The following SCAMP4 variants were observed in gnomAD, a reference collection of about 807,000 sequenced individuals.
The protein encoded by SCAMP4 is secretory carrier-associated membrane protein 4.
In SCAMP4, 19 loss-of-function variants were observed where a neutral mutation model predicts 32.1. That is an observed-to-expected ratio of 0.59 (90% CI 0.41 to 0.87). The LOEUF is 0.87. SCAMP4 is among the 40% of genes least tolerant of loss of function. The pLI is 0.00. For synonymous variants in SCAMP4, 152 were observed against 132.7 expected (o/e 1.15, Z -1.00); for missense variants, 302 against 309.0 (o/e 0.98, Z 0.17).
At chr19:1,912,851 C>T (rs751793893) in intron 1 of SCAMP4, 1 of 1,596,976 alleles carries the variant, frequency 6.3e-7, no homozygotes, top group Non-Finnish European at 8.5e-7. Context: ...GCTCCTTCGC[C>T]CCGGCCGCTG....
rs778111490 is a variant in SCAMP4 at position 1,908,883 on chromosome 19, C to G, written c.-42+3444C>G. On this transcript the variant is annotated intron_variant, in intron 1 of 6. Transcript: ENST00000316097. This position sits in a 1 kb window ranked among gnomAD's most constrained non-coding sequence, Gnocchi z 4.2. ...CTTTGGGAGGCTGAGGCAGGTGGATCACCTGAGGTCAGGAGTTCCAAGACC... is the reference window on the plus strand; with the variant it reads ...CTTTGGGAGGCTGAGGCAGGTGGATGACCTGAGGTCAGGAGTTCCAAGACC... Among the ~76,000 whole-genome samples, 33 of 151,364 alleles carry G rather than the reference C, an allele frequency of 2.2e-4. No homozygotes were observed. The highest frequency in any genetic ancestry group is 4.3e-4 in the Non-Finnish European group (29 of 67,880).
chr19:1,912,571 C>A lies in SCAMP4; in HGVS notation c.-41-2408C>A. 5 of 1,497,784 alleles carry A rather than the reference C, an allele frequency of 3.3e-6. No individual in the cohort carries two copies. The South Asian group carries it at 6.2e-5, about 19-fold the overall frequency. 92.8% of individuals were successfully genotyped at this position (1,497,784 alleles called of 1,614,324 possible). On this transcript the variant is annotated intron_variant, in intron 1 of 6. Transcript: ENST00000316097. The stretch of plus-strand genomic sequence containing the variant: ...CACGAGGACAAGCAGGTGACCAGCG[C>A]CCTGGCTGGGCGGCTCTTCTCCACG...
At chr19:1,912,195 G>A (rs1327626996) in intron 1 of SCAMP4, 2 of 1,586,444 alleles carry the variant, frequency 1.3e-6, no homozygotes, top group African/African-American at 1.3e-5. Context: ...TGTCCTGTCC[G>A]AGAAGCAGTC....
intron 5 of SCAMP4, chr19:1,922,466 C>G (rs1205653946): frequency 1.1e-6 from 1 of 874,720 alleles, no homozygotes; most frequent in East Asian, 1.2e-4. Context: ...AGTTCCTGGC[C>G]TCAAGTGATC....
At chr19:1,911,786 T>TA (rs1239753936) in intron 1 of SCAMP4, 1 of 382,070 alleles carries the variant, frequency 2.6e-6, no homozygotes, top group Non-Finnish European at 4.6e-6. Flanking sequence ...GTCTCAGAAG[T>TA]AAAAAAATAA....
chr19:1,915,035 TG>T lies in SCAMP4; in HGVS notation c.7+10del, dbSNP rs1313846491. ...TGAAACAGAGATGTCAGGTGAGTCCTGCCTGCCTGGGAGCCTCCAGCAGCGT... is the reference window on the plus strand; with the variant it reads ...TGAAACAGAGATGTCAGGTGAGTCCTCCTGCCTGGGAGCCTCCAGCAGCGT... On this transcript the variant is annotated intron_variant, in intron 2 of 6. Transcript: ENST00000316097. 1 of 1,613,762 alleles carries T rather than the reference TG, an allele frequency of 6.2e-7. No individual in the cohort carries two copies. The highest frequency in any genetic ancestry group is 8.5e-7 in the Non-Finnish European group (1 of 1,179,784).
chr19:1,905,878 C>T (rs149287217), intron 1 of SCAMP4: 34 of 152,372 alleles, frequency 2.2e-4, no homozygotes, highest in African/African-American at 7.9e-4. Context: ...GTGGAGATTC[C>T]CCTAGGCCTT....
intron 1 of SCAMP4, among the ~76,000 whole-genome samples, chr19:1,909,157 T>G (rs2145427044): frequency 6.6e-6 from 1 of 150,422 alleles, no homozygotes; most frequent in South Asian, 2.1e-4. Flanking sequence ...TAATCCAACC[T>G]CAGGCCTGCG....
chr19:1,918,404 C>T, intron 4 of SCAMP4, 121 bp downstream of exon 4: 1 of 1,150,342 alleles, frequency 8.7e-7, no homozygotes, highest in South Asian at 1.8e-5. Flanking sequence ...AGACAGTTCA[C>T]ATCTGGGGGT....
rs2013259843 is a variant in SCAMP4 at position 1,908,484 on chromosome 19, C to G, written c.-42+3045C>G. 2.1e-6 allele frequency: 1 copy of G among 470,928 alleles called. No individual in the cohort carries two copies. Among genetic ancestry groups the G allele is most frequent in the Non-Finnish European group, 4.4e-6 (1 of 227,028 alleles). 29.2% of individuals were successfully genotyped at this position (470,928 alleles called of 1,614,324 possible). A position where few individuals can be genotyped will look rare whatever the true frequency, so the allele number is the denominator to read the frequency against. ...AAATGATCCAGAGACACATCCCTGTCTGCGGGAGGAGCCGTCCATACCAGC... is the reference window on the plus strand; with the variant it reads ...AAATGATCCAGAGACACATCCCTGTGTGCGGGAGGAGCCGTCCATACCAGC... On this transcript the variant is annotated intron_variant, in intron 1 of 6. Transcript: ENST00000316097. The surrounding 1 kb of genome is among the most constrained non-coding windows in gnomAD (Gnocchi z 4.2).
intron 3 of SCAMP4, 107 bp from the exon 4 acceptor site, chr19:1,918,020 T>C: frequency 7.0e-7 from 1 of 1,434,176 alleles, no homozygotes; most frequent in Non-Finnish European, 9.5e-7. Flanking sequence ...CGACATGGGG[T>C]CACTGGGCTG....
chr19:1,918,427 C>A, intron 4 of SCAMP4, 144 bp downstream of exon 4: 2 of 1,018,634 alleles, frequency 2.0e-6, no homozygotes, highest in Non-Finnish European at 2.7e-6. Flanking sequence ...CAAACTGTGG[C>A]CCACAAGCCA....
At chr19:1,910,108 C>T (rs1599235292) in intron 1 of SCAMP4, among the ~76,000 whole-genome samples, 1 of 152,196 alleles carries the variant, frequency 6.6e-6, no homozygotes, top group Non-Finnish European at 1.5e-5. Flanking sequence ...CTTAATACAA[C>T]ACCCGCCAGC....
Position 1,923,673 on chromosome 19 carries a change from T to C in SCAMP4, c.514-435T>C, listed in dbSNP as rs530981789. On this transcript the variant is annotated intron_variant, in intron 6 of 6. Coordinates refer to ENST00000316097, the MANE Select transcript of SCAMP4 (RefSeq NM_079834.4). ...TCGCTCTGTCACCCAGGCTGGAGTGTAGTGGTGCGATCTCTGCTCACTGCA... is the reference window on the plus strand; with the variant it reads ...TCGCTCTGTCACCCAGGCTGGAGTGCAGTGGTGCGATCTCTGCTCACTGCA... Among the ~76,000 whole-genome samples, 344 of 136,390 alleles carry C rather than the reference T, an allele frequency of 2.5e-3. 1 individual carries two copies. Among genetic ancestry groups the C allele is most frequent in the Middle Eastern group, 0.017 (4 of 242 alleles). 89.5% of individuals were successfully genotyped at this position (136,390 alleles called of 152,430 possible).
intron 1 of SCAMP4, chr19:1,912,444 C>A (rs1233353136): frequency 6.6e-7 from 1 of 1,507,460 alleles, no homozygotes; most frequent in Admixed American, 2.1e-5. Flanking sequence ...GGCTGTGGAC[C>A]CCCGCGGCCT....
At chr19:1,907,540 T>C (rs2013195057) in intron 1 of SCAMP4, among the ~76,000 whole-genome samples, 1 of 152,042 alleles carries the variant, frequency 6.6e-6, no homozygotes, top group Non-Finnish European at 1.5e-5. Context: ...GGACTGGGTG[T>C]GTTTTCTGGG....
intron 1 of SCAMP4, among the ~76,000 whole-genome samples, chr19:1,910,196 G>A (rs1269537026): frequency 6.6e-6 from 1 of 152,218 alleles, no homozygotes; most frequent in Non-Finnish European, 1.5e-5. Flanking sequence ...TGGAACCCAG[G>A]TGTCAGCCAG....
chr19:1,919,554 T>C (rs1233814614), intron 5 of SCAMP4: 1 of 703,002 alleles, frequency 1.4e-6, no homozygotes, highest in Non-Finnish European at 1.7e-6. Flanking sequence ...TGGGGCGCAG[T>C]GGTGCAATCT....
At chr19:1,914,843 TG>T (rs960769252) in intron 1 of SCAMP4, 135 bp from the exon 2 acceptor site, 6 of 705,620 alleles carry the variant, frequency 8.5e-6, no homozygotes, top group Admixed American at 6.6e-5. Context: ...GAGTCAGGCC[TG>T]TGGCTCCCGC....
Sources: gnomAD v4.1 joint callset for allele counts (sites outside exome capture counted in the v4.1 genomes callset) on GRCh38, gnomAD v4.1.1 for gene constraint, Gnocchi (gnomAD v3.1) non-coding constraint, MANE v1.5 for transcripts, NCBI Gene and HGNC (gene_info 2026-07-23, HGNC 2026-07-21) for gene names.